The following QRICH2 variants were observed in gnomAD, a reference collection of about 807,000 sequenced individuals.
The protein encoded by QRICH2 is glutamine-rich protein 2.
A neutral mutation model predicts 168.3 loss-of-function variants in QRICH2; 119 were observed. That is an observed-to-expected ratio of 0.71 (90% CI 0.61 to 0.82). QRICH2 has a LOEUF of 0.82. Ranked by LOEUF, QRICH2 falls within the 40% of genes least tolerant of loss-of-function variation. QRICH2 has a pLI of 0.00. For missense variants in QRICH2, 2,241 were observed against 2,491.6 expected (o/e 0.90, Z 2.14); for synonymous variants, 894 against 951.2 (o/e 0.94, Z 1.11).
rs746192148 is a variant in QRICH2, at chr17:76,279,390, C to T, written c.4787G>A (p.Arg1596Gln). The stretch of plus-strand genomic sequence containing the variant: ...TCCAGTCACAGGTGTCTCCAAGGGC[C>T]GGTCACATGAGAGGCAGTGGAAATG... ...LAHFHCLSCD[R>Q]PLETPVTGHA... The change falls in exon 13 of 19, where the codon CGG becomes CAG. Residue 1596 changes from arginine to glutamine, a missense_variant. By Grantham distance (43) the Arg-to-Gln change is conservative. Transcript: ENST00000680821. The T allele has an allele frequency of 4.3e-6, 7 of 1,612,890 alleles. No individual in the cohort carries two copies. Among genetic ancestry groups the T allele is most frequent in the Admixed American group, 3.3e-5 (2 of 59,886 alleles).
chr17:76,306,833 G>A (rs1023462096), intron 1 of QRICH2, among the ~76,000 whole-genome samples: 1 of 151,932 alleles, frequency 6.6e-6, no homozygotes, highest in Non-Finnish European at 1.5e-5. Context: ...GTTGCAGTGA[G>A]CCGAGACTGC....
At chr17:76,304,745 C>A in intron 2 of QRICH2, 137 bp downstream of exon 2, 1 of 790,674 alleles carries the variant, frequency 1.3e-6, no homozygotes, top group Non-Finnish European at 2.2e-6. Context: ...AGATTTCCCT[C>A]CAACCCTGGG....
chr17:76,308,109 C>T lies in QRICH2; in HGVS notation c.-111G>A, dbSNP rs1245368942. On this transcript the variant is annotated 5_prime_UTR_variant, in exon 1 of 19. Coordinates refer to ENST00000680821, the MANE Select transcript of QRICH2 (RefSeq NM_001388453.1). The stretch of plus-strand genomic sequence containing the variant: ...GGGCCCTGCGAGGTCCTCGGGGCGC[C>T]CCTGCCCCGGGTCCGGCCGAGTCAC... 3.1e-5 allele frequency: 38 copies of T among 1,219,022 alleles called. No individual in the cohort carries two copies. Among genetic ancestry groups the T allele is most frequent in the Non-Finnish European group, 3.7e-5 (36 of 982,364 alleles). The allele number at this position is 1,219,022 out of a possible 1,614,324, so 75.5% of individuals were successfully genotyped here. A position where few individuals can be genotyped will look rare whatever the true frequency, so the allele number is the denominator to read the frequency against.
At chr17:76,297,106 G>A (rs1055149463) in intron 3 of QRICH2, among the ~76,000 whole-genome samples, 12 of 152,280 alleles carry the variant, frequency 7.9e-5, no homozygotes, top group African/African-American at 2.9e-4. Context: ...ACACACCTAT[G>A]GACCCACCTA....
At position 76,308,188 on chromosome 17, in the gene QRICH2, C is replaced by T. The variant is rs80137505; in HGVS notation, c.-190G>A. 4.4e-4 allele frequency: 436 copies of T among 985,436 alleles called. 3 individuals are homozygous for T. The African/African-American group carries it at 7.3e-3, about 16-fold the overall frequency. 61.0% of individuals were successfully genotyped at this position (985,436 alleles called of 1,614,324 possible). A position where few individuals can be genotyped will look rare whatever the true frequency, so the allele number is the denominator to read the frequency against. On this transcript the variant is annotated 5_prime_UTR_variant, in exon 1 of 19. Transcript: ENST00000680821. ...TGCGCCTCCGCTCCCCGGCGGGGTC[C>T]GCGATGGCCACCCCTCCGCTGTCTG...
At position 76,280,820 on chromosome 17, in the gene QRICH2, C is replaced by T. The variant is rs749036380; in HGVS notation, c.4386+11G>A. 3.7e-6 allele frequency: 6 copies of T among 1,613,806 alleles called. No individual in the cohort carries two copies. The highest frequency in any genetic ancestry group is 2.2e-5 in the East Asian group (1 of 44,898). On this transcript the variant is annotated intron_variant, in intron 9 of 18. Coordinates refer to ENST00000680821, the MANE Select transcript of QRICH2 (RefSeq NM_001388453.1). This position sits in a 1 kb window ranked among gnomAD's most constrained non-coding sequence, Gnocchi z 7.4. ...CCCCGGCCCCATCCCAGCCACCCTG[C>T]GGCCGCTCACAGCAATGTCCTTCTG...
chr17:76,290,032 A>G lies in QRICH2; in HGVS notation c.3758T>C (p.Val1253Ala). 1 of 1,612,050 alleles carries G rather than the reference A, an allele frequency of 6.2e-7. No homozygotes were observed. Among genetic ancestry groups the G allele is most frequent in the Non-Finnish European group, 8.5e-7 (1 of 1,178,924 alleles). Residue 1253 changes from valine (V) to alanine (A), a missense_variant, in exon 5 of 19, where the codon GTA becomes GCA. Val to Ala is a moderately conservative substitution (Grantham distance 64). Transcript: ENST00000680821. ...CCAAACTTCTTTGGCTAGCGTCTTT[A>G]CGGTCTTCAGCTGCTCCTGCAGTTC... ...PPELQEQLKT[V>A]KTLAKEVWQE...
Position 76,308,218 on chromosome 17 carries a change from TG to T in QRICH2, c.-221del. 31 of 985,420 alleles carry T rather than the reference TG, an allele frequency of 3.1e-5. No individual in the cohort carries two copies. Among genetic ancestry groups the T allele is most frequent in the Non-Finnish European group, 3.6e-5 (30 of 829,902 alleles). 61.0% of individuals were successfully genotyped at this position (985,420 alleles called of 1,614,324 possible). ...TGGCCACCCCTCCGCTGTCTGTCGCTGGCCTCGGGTCCCCGAGCTGGAGCCC... is the reference window on the plus strand; with the variant it reads ...TGGCCACCCCTCCGCTGTCTGTCGCTGCCTCGGGTCCCCGAGCTGGAGCCC... On this transcript the variant is annotated 5_prime_UTR_variant, in exon 1 of 19. Transcript: ENST00000680821.
At chr17:76,287,402 T>C (rs2070909853) in intron 6 of QRICH2, 96 bp from the exon 7 acceptor site, 1 of 846,436 alleles carries the variant, frequency 1.2e-6, no homozygotes, top group Non-Finnish European at 2.0e-6. Context: ...CAGACACAGC[T>C]GGAGGTCTCT....
At chr17:76,295,618 G>A (rs949673231) in intron 3 of QRICH2, among the ~76,000 whole-genome samples, 4 of 152,184 alleles carry the variant, frequency 2.6e-5, no homozygotes, top group African/African-American at 7.2e-5. Flanking sequence ...ACTCCAGCCT[G>A]TGCAACAGAG....
At position 76,291,389 on chromosome 17, in the gene QRICH2, T is replaced by C. The variant is rs1334268419; in HGVS notation, c.3338A>G (p.Tyr1113Cys). ...AGCACTTAGATACCCTGGGCCACGA[T>C]AACCAGGATACATTGAATCATGACT... is the stretch of plus-strand genomic sequence containing the variant. Reference protein sequence around the residue: ...FDSHDSMYPGYRGPGYLSADQ... With the variant: ...FDSHDSMYPGCRGPGYLSADQ... The change falls in exon 4 of 19, where the codon TAT (tyrosine) becomes TGT (cysteine). Residue 1113 changes from tyrosine to cysteine, a missense_variant. Tyr to Cys is a radical substitution (Grantham distance 194). Around this residue, in one of 3 missense-constraint regions of QRICH2, gnomAD observed 2,047 missense variants for 2,303.8 expected, o/e 0.89. Transcript: ENST00000680821. The C allele has an allele frequency of 1.9e-6, 3 of 1,613,978 alleles. No homozygotes were observed. The African/African-American group carries it at 4.0e-5, about 22-fold the overall frequency.
At chr17:76,286,091 C>T (rs1395118745) in intron 7 of QRICH2, among the ~76,000 whole-genome samples, 1 of 151,870 alleles carries the variant, frequency 6.6e-6, no homozygotes, top group Non-Finnish European at 1.5e-5. Context: ...AGGAGAATGG[C>T]AGGAACCCGG....
chr17:76,279,295 G>A, intron 13 of QRICH2, 68 bp downstream of exon 13: 6 of 1,421,958 alleles, frequency 4.2e-6, no homozygotes, highest in Non-Finnish European at 5.9e-6. Context: ...AGGACAGGTG[G>A]ACACAGGTGA....
At chr17:76,286,232 G>C (rs2070883096) in intron 7 of QRICH2, among the ~76,000 whole-genome samples, 1 of 152,110 alleles carries the variant, frequency 6.6e-6, no homozygotes, top group South Asian at 2.1e-4. Flanking sequence ...ATAGCCAAAG[G>C]ATGGAAACAA....
rs1195192704 is a variant in QRICH2, at chr17:76,287,085, CACAT to C, written c.4011+103_4011+106del. On this transcript the variant is annotated intron_variant, in intron 7 of 18. Coordinates refer to ENST00000680821, the MANE Select transcript of QRICH2 (RefSeq NM_001388453.1). ...ACACACACACACACACACACACACA[CACAT>C]GATGGGAGGGACCTAGTTTTTGATG... The C allele has an allele frequency of 8.2e-4, 257 of 313,408 alleles. 20 individuals carry two copies. In the African/African-American group the frequency reaches 0.019, roughly 23 times the overall value. The allele number at this position is 313,408 out of a possible 1,614,324, so 19.4% of individuals were successfully genotyped here.
chr17:76,278,452 G>C (rs558693004), intron 14 of QRICH2, among the ~76,000 whole-genome samples: 1 of 152,256 alleles, frequency 6.6e-6, no homozygotes, highest in Non-Finnish European at 1.5e-5. Context: ...GTGGGTGGAG[G>C]AGCTGAGGGC....
intron 18 of QRICH2, among the ~76,000 whole-genome samples, chr17:76,274,710 G>GTCA (rs2070641558): frequency 6.6e-6 from 1 of 152,314 alleles, no homozygotes; most frequent in East Asian, 1.9e-4. Context: ...TGACAGTCAT[G>GTCA]TGCTCACTGT....
chr17:76,275,639 C>T (rs1293382163), intron 18 of QRICH2, among the ~76,000 whole-genome samples, 180 bp downstream of exon 18: 2 of 152,246 alleles, frequency 1.3e-5, no homozygotes, highest in Non-Finnish European at 2.9e-5. Context: ...ACCTACCCAC[C>T]TCCCAGAAGG....
chr17:76,291,941 T>C lies in QRICH2; in HGVS notation c.2786A>G (p.His929Arg). 6.2e-7 allele frequency: 1 copy of C among 1,614,008 alleles called. No homozygotes were observed. ...ATAGGCACCAGGTTGTACCAGGCCA[T>C]GTGGATCTGCCTGAGGTTGCACCAT... ...QGMVQPQADP[H>R]GLVQPGAYPL... The change falls in exon 4 of 19, where the codon CAT becomes CGT. Residue 929 changes from histidine to arginine, a missense_variant. Physicochemically the swap from His to Arg is conservative, Grantham distance 29 (BLOSUM62 0). Around this residue, in one of 3 missense-constraint regions of QRICH2, gnomAD observed 2,047 missense variants for 2,303.8 expected, o/e 0.89. Transcript: ENST00000680821.
Sources: allele counts gnomAD v4.1 joint callset (sites outside exome capture counted in the v4.1 genomes callset), GRCh38; gene constraint gnomAD v4.1.1; regional missense constraint gnomAD v4.1.1; non-coding constraint Gnocchi (gnomAD v3.1); transcripts MANE v1.5; gene names NCBI Gene and HGNC (gene_info 2026-07-23, HGNC 2026-07-21).